KCNH1: variants seen among roughly 807,000 people sequenced by gnomAD.
KCNH1 encodes the protein voltage-gated delayed rectifier potassium channel KCNH1.
In KCNH1, 27 loss-of-function variants were observed where a neutral mutation model predicts 69.2. That is an observed-to-expected ratio of 0.39 (90% CI 0.29 to 0.54). The LOEUF is 0.54. Among genes scored for constraint, KCNH1 ranks in the 20% least tolerant of loss-of-function variants. The pLI, the probability that KCNH1 is intolerant of heterozygous loss-of-function variation, is 0.68. For missense variants in KCNH1, 798 were observed against 1,261.6 expected (o/e 0.63, Z 5.57); for synonymous variants, 456 against 487.7 (o/e 0.93, Z 0.86).
At chr1:211,079,490 CAA>C (rs890933354) in intron 5 of KCNH1, among the ~76,000 whole-genome samples, 10 of 152,242 alleles carry the variant, frequency 6.6e-5, no homozygotes, top group African/African-American at 2.4e-4. Context: ...ATCCTGATAC[CAA>C]AGCCTGGCAG....
intron 7 of KCNH1, among the ~76,000 whole-genome samples, chr1:210,915,587 C>T (rs2102555102): frequency 6.6e-6 from 1 of 152,232 alleles, no homozygotes; most frequent in South Asian, 2.1e-4. Context: ...CTGATCCAGG[C>T]CAAGACCCCA....
intron 10 of KCNH1, among the ~76,000 whole-genome samples, chr1:210,711,641 G>A (rs1000367130): frequency 6.6e-6 from 1 of 152,176 alleles, no homozygotes; most frequent in African/African-American, 2.4e-5. Flanking sequence ...TGGTTTGGGT[G>A]TCCCTCTCTT....
At chr1:210,793,119 G>A (rs1283889424) in intron 9 of KCNH1, among the ~76,000 whole-genome samples, 3 of 152,208 alleles carry the variant, frequency 2.0e-5, no homozygotes, top group Non-Finnish European at 4.4e-5. Context: ...GATTTGAGAA[G>A]CCATTAAGTG....
intron 7 of KCNH1, among the ~76,000 whole-genome samples, chr1:210,844,357 C>T (rs979911275): frequency 2.0e-5 from 3 of 152,080 alleles, no homozygotes; most frequent in African/African-American, 7.2e-5. Flanking sequence ...GCTGTCTCTA[C>T]TAAAAATACA....
At chr1:210,695,462 C>G (rs934180828) in intron 10 of KCNH1, among the ~76,000 whole-genome samples, 2 of 152,212 alleles carry the variant, frequency 1.3e-5, no homozygotes, top group African/African-American at 4.8e-5. Context: ...TATATTTACA[C>G]TGTGTTCAAT....
chr1:210,821,788 T>C (rs951236937), intron 7 of KCNH1, among the ~76,000 whole-genome samples: 1 of 151,746 alleles, frequency 6.6e-6, no homozygotes, highest in African/African-American at 2.4e-5. Context: ...CTTGGTCCAA[T>C]AGATTAACTC....
At chr1:210,926,303 C>A (rs942069112) in intron 6 of KCNH1, among the ~76,000 whole-genome samples, 1 of 151,824 alleles carries the variant, frequency 6.6e-6, no homozygotes, top group Non-Finnish European at 1.5e-5. Context: ...AAGGACCTTC[C>A]GAGTCCACTC....
At chr1:210,826,767 C>T (rs146525489) in intron 7 of KCNH1, among the ~76,000 whole-genome samples, 14 of 152,360 alleles carry the variant, frequency 9.2e-5, no homozygotes, top group African/African-American at 3.4e-4. Flanking sequence ...CTGAAAGTTA[C>T]ATTTCCAACT....
At chr1:210,842,953 T>C (rs926161697) in intron 7 of KCNH1, among the ~76,000 whole-genome samples, 2 of 152,218 alleles carry the variant, frequency 1.3e-5, no homozygotes, top group African/African-American at 4.8e-5. Context: ...ATCTGGGAGA[T>C]GGATGCCCCA....
chr1:211,122,590 T>A (rs188460462), intron 1 of KCNH1, among the ~76,000 whole-genome samples: 10 of 152,306 alleles, frequency 6.6e-5, no homozygotes, highest in African/African-American at 2.2e-4. Context: ...TGCCCATCAA[T>A]GATAGACTGG....
At chr1:210,821,250 G>A (rs1431179028) in intron 7 of KCNH1, among the ~76,000 whole-genome samples, 1 of 152,104 alleles carries the variant, frequency 6.6e-6, no homozygotes, top group Admixed American at 6.6e-5. Context: ...TTTGACATAT[G>A]AATTGGGGAA....
intron 7 of KCNH1, among the ~76,000 whole-genome samples, chr1:210,916,368 C>G (rs1687333198): frequency 6.6e-6 from 1 of 152,184 alleles, no homozygotes; most frequent in African/African-American, 2.4e-5. Context: ...TGACAGGTTG[C>G]TGAAAAATGA....
At chr1:210,943,331 T>G (rs772098657) in intron 6 of KCNH1, among the ~76,000 whole-genome samples, 1 of 148,380 alleles carries the variant, frequency 6.7e-6, no homozygotes, top group Non-Finnish European at 1.5e-5. Context: ...CTTTTTTTTA[T>G]TTTTTATTTT....
At position 210,796,498 on chromosome 1, in the gene KCNH1, T is replaced by G. The variant is rs544777754; in HGVS notation, c.1915+1010A>C. On this transcript the variant is annotated intron_variant, in intron 9 of 10. Coordinates refer to ENST00000271751, the MANE Select transcript of KCNH1 (RefSeq NM_172362.3). ...CTGTTGTCTAGCTAGCTGAGAAAACTAGACACATTTCCTAAAAGCTACTGA... is the reference window on the plus strand; with the variant it reads ...CTGTTGTCTAGCTAGCTGAGAAAACGAGACACATTTCCTAAAAGCTACTGA... 1.2e-3 allele frequency among the ~76,000 whole-genome samples: 184 copies of G among 152,262 alleles called. 4 individuals are homozygous for G. In the South Asian group the frequency reaches 0.036, roughly 30 times the overall value.
At chr1:210,981,372 C>CAAAAAAAAAAA (rs10684074) in intron 6 of KCNH1, among the ~76,000 whole-genome samples, 20 of 85,458 alleles carry the variant, frequency 2.3e-4, no homozygotes, top group Admixed American at 4.6e-4. Context: ...GTAACAACGA[C>CAAAAAAAAAAA]AAAAAAAAAA....
chr1:210,869,066 T>A (rs918079063), intron 7 of KCNH1, among the ~76,000 whole-genome samples: 8 of 152,154 alleles, frequency 5.3e-5, no homozygotes, highest in African/African-American at 1.9e-4. Context: ...TTGCTGTTTT[T>A]GTTACAGCTC....
intron 6 of KCNH1, among the ~76,000 whole-genome samples, chr1:210,936,822 C>T (rs1687783282): frequency 6.6e-6 from 1 of 151,748 alleles, no homozygotes; most frequent in Non-Finnish European, 1.5e-5. Context: ...TCACTGGAAA[C>T]CACTCCAACT....
chr1:211,122,639 T>C (rs1191008458), intron 1 of KCNH1, among the ~76,000 whole-genome samples: 4 of 152,158 alleles, frequency 2.6e-5, no homozygotes, highest in East Asian at 3.9e-4. Context: ...TGGAATACTA[T>C]CCAGCCATAA....
In KCNH1 at chr1:210,806,078, A is replaced by G. The variant is rs562431366; in HGVS notation, c.1463-1912T>C. ...ATATTTTCAATTCTTTTGTGTATATACCTAGGAGTGAAATTGCTGGGTCAT... is the reference window on the plus strand; with the variant it reads ...ATATTTTCAATTCTTTTGTGTATATGCCTAGGAGTGAAATTGCTGGGTCAT... On this transcript the variant is annotated intron_variant, in intron 7 of 10. Coordinates refer to ENST00000271751, the MANE Select transcript of KCNH1 (RefSeq NM_172362.3). 2.0e-5 allele frequency among the ~76,000 whole-genome samples: 3 copies of G among 152,328 alleles called. No homozygotes were observed. The East Asian group carries it at 5.8e-4, about 29-fold the overall frequency.
Sources: allele counts gnomAD v4.1 joint callset (sites outside exome capture counted in the v4.1 genomes callset), GRCh38; gene constraint gnomAD v4.1.1; transcripts MANE v1.5; gene names NCBI Gene and HGNC (gene_info 2026-07-23, HGNC 2026-07-21).